PDPR: variants seen among roughly 807,000 people sequenced by gnomAD.
PDPR encodes the protein pyruvate dehydrogenase phosphatase regulatory subunit, mitochondrial.
In PDPR, 50 loss-of-function variants were observed where a neutral mutation model predicts 102.2. That is an observed-to-expected ratio of 0.49 (90% CI 0.39 to 0.62). PDPR has a LOEUF of 0.62. Among genes scored for constraint, PDPR ranks in the 20% least tolerant of loss-of-function variants. The probability of loss-of-function intolerance (pLI) is 0.00; values close to 1 mark genes in which losing one functional copy is unlikely to be tolerated. For synonymous variants in PDPR, 259 were observed against 406.0 expected, an observed-to-expected ratio of 0.64 and a Z score of 4.35; for missense variants, 625 against 1,098.2, an observed-to-expected ratio of 0.57 and a Z score of 6.09.
At chr16:70,143,999 C>G (rs1331674953) in intron 14 of PDPR, among the ~76,000 whole-genome samples, 1 of 152,200 alleles carries the variant, frequency 6.6e-6, no homozygotes, top group South Asian at 2.1e-4. Flanking sequence ...TCAAGTGATC[C>G]TCCCACCTCA....
At chr16:70,130,980 T>G (rs2549542) in intron 7 of PDPR, among the ~76,000 whole-genome samples, 5 of 152,264 alleles carry the variant, frequency 3.3e-5, no homozygotes, top group South Asian at 2.1e-4. Context: ...ACTTTTGCCA[T>G]GTGAAGTTCA....
intron 2 of PDPR, among the ~76,000 whole-genome samples, chr16:70,116,680 A>G (rs1402578818): frequency 6.6e-6 from 1 of 151,536 alleles, no homozygotes; most frequent in Non-Finnish European, 1.5e-5. Context: ...ACCTGGGACC[A>G]CAGGTGCGTG....
intron 18 of PDPR, 99 bp from the exon 19 acceptor site, chr16:70,156,376 C>T (rs1967192405): frequency 2.8e-6 from 4 of 1,421,460 alleles, no homozygotes; most frequent in African/African-American, 1.4e-5. Flanking sequence ...GCGGCTGTGC[C>T]CCATTGCAGT....
At chr16:70,151,318 C>T (rs1403465838) in intron 17 of PDPR, among the ~76,000 whole-genome samples, 7 of 152,396 alleles carry the variant, frequency 4.6e-5, no homozygotes, top group East Asian at 1.9e-4. Flanking sequence ...ATCCTCTCAT[C>T]TCAGCCTCCC....
Position 70,148,389 on chromosome 16 carries a change from A to T in PDPR, c.1963-75A>T. On this transcript the variant is annotated intron_variant, in intron 16 of 18. Transcript: ENST00000288050. ...GTAAACAGAGGGTGCAGCACTAATGAAAGGTTTCCCCAGGCGTCCCTCCCT... is the reference window on the plus strand; with the variant it reads ...GTAAACAGAGGGTGCAGCACTAATGTAAGGTTTCCCCAGGCGTCCCTCCCT... 4.9e-6 allele frequency: 5 copies of T among 1,020,360 alleles called. No homozygotes were observed. The South Asian group carries it at 6.8e-5, about 14-fold the overall frequency. The allele number at this position is 1,020,360 out of a possible 1,614,324, so 63.2% of individuals were successfully genotyped here.
At chr16:70,114,212 C>G (rs1787105313), upstream of PDPR, 1 of 152,252 alleles carries the variant, frequency 6.6e-6, no homozygotes, top group South Asian at 2.1e-4. Context: ...CGTCACGGCG[C>G]GCTCGTGCGC....
chr16:70,149,237 C>T (rs759779018), intron 17 of PDPR, among the ~76,000 whole-genome samples: 3 of 149,102 alleles, frequency 2.0e-5, no homozygotes, highest in Non-Finnish European at 4.5e-5. Context: ...TACTGCTATT[C>T]TTCATCCTGT....
At chr16:70,142,124 G>T (rs1405549647) in intron 11 of PDPR, 110 bp from the exon 12 acceptor site, 13 of 1,276,722 alleles carry the variant, frequency 1.0e-5, no homozygotes, top group South Asian at 8.9e-5. Flanking sequence ...AACTACGTTA[G>T]CCTGGAAAGC....
intron 16 of PDPR, chr16:70,147,655 T>G (rs1289092889): frequency 2.2e-6 from 1 of 451,862 alleles, no homozygotes; most frequent in African/African-American, 2.0e-5. Context: ...CTTGGCCACC[T>G]GTAACGAGCA....
Position 70,153,447 on chromosome 16 carries a change from G to C in PDPR, c.2109G>C (p.Arg703=). ...GTGTTGGCCAGAAATACGGAATCCGGAATGCTGGGTATTACGCTCTTCGCA... is the reference window on the plus strand; with the variant it reads ...GTGTTGGCCAGAAATACGGAATCCGCAATGCTGGGTATTACGCTCTTCGCA... ...VMSVGQKYGI[R]NAGYYALRSL... The change falls in exon 18 of 19, where the codon CGG becomes CGC. Residue 703 remains arginine (R), a synonymous_variant. Coordinates refer to ENST00000288050, the MANE Select transcript of PDPR (RefSeq NM_017990.5). 1.2e-6 allele frequency: 2 copies of C among 1,613,934 alleles called. No homozygotes were observed. Among genetic ancestry groups the C allele is most frequent in the Non-Finnish European group, 1.7e-6 (2 of 1,179,850 alleles).
In PDPR at chr16:70,156,562, C is replaced by T; in HGVS notation, c.2323C>T (p.His775Tyr). ...KRLTMFILDD[H>Y]DSDLDLWPWW... ...CCTCACCATGTTCATCCTGGACGAC[C>T]ATGATTCAGACCTAGACCTTTGGCC... Residue 775 changes from histidine (H) to tyrosine (Y), a missense_variant, in exon 19 of 19, where the codon CAT becomes TAT. Transcript: ENST00000288050. The T allele has an allele frequency of 6.2e-7, 1 of 1,614,092 alleles. No homozygotes were observed. The highest frequency in any genetic ancestry group is 1.1e-5 in the South Asian group (1 of 91,090).
In PDPR at chr16:70,159,554, G is replaced by A. The variant is rs1053593687; in HGVS notation, c.*2675G>A. 3.4e-4 allele frequency: 52 copies of A among 152,858 alleles called. No homozygotes were observed. The highest frequency in any genetic ancestry group is 1.1e-3 in the African/African-American group (47 of 41,596). 9.5% of individuals were successfully genotyped at this position (152,858 alleles called of 1,614,324 possible). A position where few individuals can be genotyped will look rare whatever the true frequency, so the allele number is the denominator to read the frequency against. ...ATTCAAATACAAGCTGTGTGAGTCTGGTGGTTTTCTGTGATTGGTCTAATG... is the reference window on the plus strand; with the variant it reads ...ATTCAAATACAAGCTGTGTGAGTCTAGTGGTTTTCTGTGATTGGTCTAATG... On this transcript the variant is annotated 3_prime_UTR_variant, in exon 19 of 19. Coordinates refer to ENST00000288050, the MANE Select transcript of PDPR (RefSeq NM_017990.5).
rs1416146283 is a variant in PDPR, at chr16:70,157,261, G to T, written c.*382G>T. ...GGGTGGTGCAGGTCTCAGGGCACGA[G>T]TCCCTCTCCCTTGGGTTCCATTTTC... On this transcript the variant is annotated 3_prime_UTR_variant, in exon 19 of 19. Transcript: ENST00000288050. 2.3e-5 allele frequency: 11 copies of T among 486,450 alleles called. No individual in the cohort carries two copies. Among genetic ancestry groups the T allele is most frequent in the South Asian group, 1.3e-4 (8 of 63,750 alleles). 30.1% of individuals were successfully genotyped at this position (486,450 alleles called of 1,614,324 possible). A position where few individuals can be genotyped will look rare whatever the true frequency, so the allele number is the denominator to read the frequency against.
In PDPR at chr16:70,153,564, A is replaced by G. The variant is rs781519953; in HGVS notation, c.2226A>G (p.Lys742=). 1.2e-6 allele frequency: 2 copies of G among 1,603,650 alleles called. No homozygotes were observed. The highest frequency in any genetic ancestry group is 1.1e-5 in the South Asian group (1 of 89,110). Residue 742 remains lysine, a synonymous_variant, in exon 18 of 19, where the codon AAA becomes AAG. Transcript: ENST00000288050. ...AATGTGGACGAGAGTCTCGGGTGAA[A>G]TTAGAGAAGGTACTGTGTTTACCCA... ...PLECGRESRV[K]LEKGMDFIGR...
rs1286761457 is a variant in PDPR, at chr16:70,158,556, G to A, written c.*1677G>A. 1 of 130,236 alleles carries A rather than the reference G, an allele frequency of 7.7e-6. No homozygotes were observed. Among genetic ancestry groups the A allele is most frequent in the Non-Finnish European group, 1.8e-5 (1 of 57,016 alleles). 8.1% of individuals were successfully genotyped at this position (130,236 alleles called of 1,614,324 possible). ...ACTCCTAGTGATTACTGACTTTAGT[G>A]CCTAAACCTTTTTGGAAGGTTCTGG... On this transcript the variant is annotated 3_prime_UTR_variant, in exon 19 of 19. Coordinates refer to ENST00000288050, the MANE Select transcript of PDPR (RefSeq NM_017990.5).
intron 9 of PDPR, among the ~76,000 whole-genome samples, chr16:70,135,036 C>A (rs1227780139): frequency 1.3e-5 from 2 of 152,168 alleles, no homozygotes; most frequent in African/African-American, 4.8e-5. Flanking sequence ...CCAGCCTGGG[C>A]AACATGGCGA....
chr16:70,151,170 G>A (rs939729109), intron 17 of PDPR, among the ~76,000 whole-genome samples: 2 of 152,266 alleles, frequency 1.3e-5, no homozygotes, highest in Non-Finnish European at 2.9e-5. Flanking sequence ...GCCTGACCTC[G>A]TGAGCCGCCT....
At position 70,116,568 on chromosome 16, in the gene PDPR, T is replaced by A. The variant is rs1018396910; in HGVS notation, c.-33+1638T>A. ...AAAAAAAAAAAAAAATTAAAAAAATTAATAAAACACAAGATTGGCCTGTGT... is the reference window on the plus strand; with the variant it reads ...AAAAAAAAAAAAAAATTAAAAAAATAAATAAAACACAAGATTGGCCTGTGT... On this transcript the variant is annotated intron_variant, in intron 2 of 18. Transcript: ENST00000288050. Among the ~76,000 whole-genome samples, 17 of 143,838 alleles carry A rather than the reference T, an allele frequency of 1.2e-4. 1 individual carries two copies. The highest frequency in any genetic ancestry group is 4.3e-4 in the African/African-American group (17 of 39,438). 94.4% of individuals were successfully genotyped at this position (143,838 alleles called of 152,430 possible).
chr16:70,158,454 G>A lies in PDPR; in HGVS notation c.*1575G>A, dbSNP rs527496037. Reference sequence around the variant, plus strand: ...AATGCTCAGGTGTCTGCCTTCTCTGGTGTTTCTTTGGGATCTCTGTTTACC... The same window carrying A: ...AATGCTCAGGTGTCTGCCTTCTCTGATGTTTCTTTGGGATCTCTGTTTACC... On this transcript the variant is annotated 3_prime_UTR_variant, in exon 19 of 19. Transcript: ENST00000288050. 3 of 153,718 alleles carry A rather than the reference G, an allele frequency of 2.0e-5. No homozygotes were observed. The East Asian group carries it at 5.8e-4, about 30-fold the overall frequency. The allele number at this position is 153,718 out of a possible 1,614,324, so 9.5% of individuals were successfully genotyped here. A position where few individuals can be genotyped will look rare whatever the true frequency, so the allele number is the denominator to read the frequency against.
Sources: gnomAD v4.1 joint callset for allele counts (sites outside exome capture counted in the v4.1 genomes callset) on GRCh38, gnomAD v4.1.1 for gene constraint, MANE v1.5 for transcripts, NCBI Gene and HGNC (gene_info 2026-07-23, HGNC 2026-07-21) for gene names.